Variants in PARD3B observed in about 807,000 individuals in gnomAD.
The protein encoded by PARD3B is partitioning defective 3 homolog B.
A neutral mutation model predicts 130.2 loss-of-function variants in PARD3B; 103 were observed. The ratio of observed to expected loss-of-function variants is 0.79; its 90% CI spans 0.67 to 0.93. The LOEUF (loss-of-function observed/expected upper bound fraction) is 0.93, where lower values mean the gene tolerates loss of function less well. Ranked by LOEUF, PARD3B falls within the 40% of genes least tolerant of loss-of-function variation. PARD3B has a pLI of 0.00. For synonymous variants in PARD3B, 583 were observed against 553.2 expected, an observed-to-expected ratio of 1.05 and a Z score of -0.76; for missense variants, 1,609 against 1,499.2, an observed-to-expected ratio of 1.07 and a Z score of -1.21.
intron 18 of PARD3B, among the ~76,000 whole-genome samples, chr2:205,398,112 A>C (rs1187576254): frequency 6.6e-6 from 1 of 152,176 alleles, no homozygotes; most frequent in African/African-American, 2.4e-5. Context: ...CAGCCTGGCC[A>C]ACATGGTGAA....
intron 2 of PARD3B, among the ~76,000 whole-genome samples, chr2:204,764,016 T>G (rs937052375): frequency 4.6e-5 from 7 of 152,152 alleles, no homozygotes; most frequent in African/African-American, 1.7e-4. Flanking sequence ...TTGCCTGAGG[T>G]ATACCCTAAA....
At chr2:204,561,026 A>T (rs1238249046) in intron 1 of PARD3B, among the ~76,000 whole-genome samples, 1 of 166 alleles carries the variant, frequency 6.0e-3, no homozygotes, top group African/African-American at 0.021. Flanking sequence ...TGTTCTGGCC[A>T]CCCAGGCTGG....
At chr2:205,157,284 A>G (rs1181839312) in intron 10 of PARD3B, among the ~76,000 whole-genome samples, 1 of 152,244 alleles carries the variant, frequency 6.6e-6, no homozygotes, top group Non-Finnish European at 1.5e-5. Context: ...CTGGCATTCC[A>G]ATGGAAATTG....
chr2:205,435,277 T>C (rs78044845), intron 19 of PARD3B, among the ~76,000 whole-genome samples: 6,728 of 152,078 alleles, frequency 0.044, 153 homozygotes, highest in Middle Eastern at 0.061. Context: ...CATCTTCTTT[T>C]TAGTATAGGA....
intron 20 of PARD3B, among the ~76,000 whole-genome samples, chr2:205,454,566 G>C (rs754371962): frequency 1.6e-4 from 25 of 152,184 alleles, no homozygotes; most frequent in Non-Finnish European, 2.5e-4. Context: ...AGTCAATCCT[G>C]AGCAAGCACT....
At chr2:204,628,950 T>A (rs900384136) in intron 1 of PARD3B, among the ~76,000 whole-genome samples, 1 of 152,152 alleles carries the variant, frequency 6.6e-6, no homozygotes, top group Non-Finnish European at 1.5e-5. Context: ...AGAATATATA[T>A]GGTAAAGGTT....
At chr2:205,399,513 C>G (rs576847683) in intron 18 of PARD3B, among the ~76,000 whole-genome samples, 1 of 151,838 alleles carries the variant, frequency 6.6e-6, no homozygotes, top group South Asian at 2.1e-4. Context: ...CACCACGACG[C>G]CCGGCTAATT....
At position 205,105,857 on chromosome 2, in the gene PARD3B, A is replaced by T. The variant is rs1703168259; in HGVS notation, c.593+1343A>T. Among the ~76,000 whole-genome samples the T allele has an allele frequency of 6.6e-6, 1 of 151,758 alleles. No individual in the cohort carries two copies. Among genetic ancestry groups the T allele is most frequent in the South Asian group, 2.1e-4 (1 of 4,824 alleles). ...ACCATCTTTTCAGAAACTTAATAAG[A>T]TTATCTAATTATGTCTACCTCCAGA... is the stretch of plus-strand genomic sequence containing the variant. On this transcript the variant is annotated intron_variant, in intron 5 of 22. Transcript: ENST00000406610. The surrounding 1 kb of genome is among the most constrained non-coding windows in gnomAD (Gnocchi z 4.0).
intron 16 of PARD3B, among the ~76,000 whole-genome samples, chr2:205,270,431 A>G (rs1015532779): frequency 2.0e-5 from 3 of 151,902 alleles, no homozygotes; most frequent in African/African-American, 7.3e-5. Flanking sequence ...GCCAAGTATC[A>G]TGTCACGTGT....
intron 7 of PARD3B, 31 bp downstream of exon 7, chr2:205,119,077 T>A: frequency 6.3e-7 from 1 of 1,580,830 alleles, no homozygotes; most frequent in Non-Finnish European, 8.6e-7. Context: ...TTATTTACTT[T>A]CTTGATCCCT....
At chr2:205,468,718 T>C (rs1050677259) in intron 20 of PARD3B, among the ~76,000 whole-genome samples, 1 of 152,180 alleles carries the variant, frequency 6.6e-6, no homozygotes, top group Non-Finnish European at 1.5e-5. Flanking sequence ...TTCTCACTGT[T>C]GGGTCCAGTG....
chr2:204,885,483 A>G (rs1451879980), intron 2 of PARD3B, among the ~76,000 whole-genome samples: 1 of 152,192 alleles, frequency 6.6e-6, no homozygotes, highest in African/African-American at 2.4e-5. Context: ...GTCATTTTTT[A>G]AGAGAGAACT....
chr2:205,147,845 T>C (rs1559484732), intron 10 of PARD3B, among the ~76,000 whole-genome samples: 1 of 152,168 alleles, frequency 6.6e-6, no homozygotes, highest in African/African-American at 2.4e-5. Context: ...ACTCTTCTCT[T>C]ATTTATTGCA....
chr2:204,701,153 A>T (rs1438333378), intron 2 of PARD3B, among the ~76,000 whole-genome samples: 1 of 152,024 alleles, frequency 6.6e-6, no homozygotes, highest in Non-Finnish European at 1.5e-5. Context: ...TTCAATATGT[A>T]TTTGGCCCAT....
At chr2:204,835,221 G>T (rs1178997641) in intron 2 of PARD3B, among the ~76,000 whole-genome samples, 1 of 152,236 alleles carries the variant, frequency 6.6e-6, no homozygotes, top group Non-Finnish European at 1.5e-5. Flanking sequence ...ATCTGGACAA[G>T]CTCACGTTCC....
At chr2:204,734,164 G>C (rs2039642727) in intron 2 of PARD3B, among the ~76,000 whole-genome samples, 1 of 152,030 alleles carries the variant, frequency 6.6e-6, no homozygotes, top group South Asian at 2.1e-4. Flanking sequence ...ATATGAAAAA[G>C]TACACAATGT....
intron 2 of PARD3B, among the ~76,000 whole-genome samples, chr2:204,846,422 C>T (rs1027746860): frequency 4.6e-5 from 7 of 151,948 alleles, no homozygotes; most frequent in Non-Finnish European, 8.8e-5. Flanking sequence ...AATACATAGG[C>T]GTGTACACTG....
rs1353269664 is a variant in PARD3B at position 205,185,779 on chromosome 2, A to G, written c.1940A>G (p.Asn647Ser). ...QDKQKGLLLPNDGWAESEVPP... is the reference protein window; with the variant it reads ...QDKQKGLLLPSDGWAESEVPP... ...TTGTTTATAGGTCTATTGCTGCCCAATGACGGATGGGCCGAGAGTGAAGTT... is the reference window on the plus strand; with the variant it reads ...TTGTTTATAGGTCTATTGCTGCCCAGTGACGGATGGGCCGAGAGTGAAGTT... Residue 647 changes from asparagine to serine, a missense_variant, in exon 14 of 23, where the codon AAT becomes AGT. Transcript: ENST00000406610. The G allele has an allele frequency of 1.9e-6, 3 of 1,613,822 alleles. No homozygotes were observed. Among genetic ancestry groups the G allele is most frequent in the South Asian group, 1.1e-5 (1 of 91,068 alleles).
chr2:205,247,491 A>G (rs765493788), intron 16 of PARD3B, among the ~76,000 whole-genome samples: 2 of 152,244 alleles, frequency 1.3e-5, no homozygotes, highest in African/African-American at 4.8e-5. Flanking sequence ...TGCAAATTCC[A>G]TACAGCAACT....
Sources: allele counts gnomAD v4.1 joint callset (sites outside exome capture counted in the v4.1 genomes callset), GRCh38; gene constraint gnomAD v4.1.1; non-coding constraint Gnocchi (gnomAD v3.1); transcripts MANE v1.5; gene names NCBI Gene and HGNC (gene_info 2026-07-23, HGNC 2026-07-21).